Variants in MACROD2 observed in about 807,000 individuals in gnomAD.
MACROD2 encodes the protein ADP-ribose glycohydrolase MACROD2.
A neutral mutation model predicts 70.4 loss-of-function variants in MACROD2; 36 were observed. The ratio of observed to expected loss-of-function variants is 0.51; its 90% confidence interval spans 0.39 to 0.68. The LOEUF is 0.68. Ranked by LOEUF, MACROD2 falls within the 30% of genes least tolerant of loss-of-function variation. MACROD2 has a pLI of 0.00. For synonymous variants in MACROD2, 172 were observed against 178.8 expected (o/e 0.96, Z 0.30); for missense variants, 496 against 538.4 (o/e 0.92, Z 0.78).
At position 14,907,750 on chromosome 20, in the gene MACROD2, G is replaced by A. The variant is rs145344378; in HGVS notation, c.418+222791G>A. 1.0e-3 allele frequency among the ~76,000 whole-genome samples: 158 copies of A among 152,218 alleles called. 2 individuals carry two copies. The highest frequency in any genetic ancestry group is 3.5e-3 in the African/African-American group (144 of 41,524). ...GAGAGAAGAAATGGGAGAATTGGCG[G>A]GGACTAGATGATAAAGGGCTTTTCA... On this transcript the variant is annotated intron_variant, in intron 5 of 17. Coordinates refer to ENST00000684519, the MANE Select transcript of MACROD2 (RefSeq NM_001351661.2).
At chr20:15,773,289 C>T (rs188125456) in intron 8 of MACROD2, among the ~76,000 whole-genome samples, 2 of 151,992 alleles carry the variant, frequency 1.3e-5, no homozygotes, top group African/African-American at 4.8e-5. Context: ...AGTTGTAAAT[C>T]AGGGAGTGCT....
chr20:16,044,789 G>A (rs76478421), intron 17 of MACROD2, 150 bp downstream of exon 17: 98 of 686,812 alleles, frequency 1.4e-4, no homozygotes, highest in African/African-American at 9.4e-4. Context: ...ATAACACAGC[G>A]TAAGGGGAAA....
In MACROD2 at chr20:15,406,666, G is replaced by T. The variant is rs150999902; in HGVS notation, c.541-24739G>T. On this transcript the variant is annotated intron_variant, in intron 6 of 17. Coordinates refer to ENST00000684519, the MANE Select transcript of MACROD2 (RefSeq NM_001351661.2). ...TTTGCACTTATATAAACTTTACTAGGCTGGGCAATTGAACTCCAAAATGAG... is the reference window on the plus strand; with the variant it reads ...TTTGCACTTATATAAACTTTACTAGTCTGGGCAATTGAACTCCAAAATGAG... Among the ~76,000 whole-genome samples the T allele has an allele frequency of 7.2e-3, 1,097 of 152,204 alleles. 11 individuals carry two copies. The highest frequency in any genetic ancestry group is 0.014 in the Middle Eastern group (4 of 294).
chr20:14,200,007 G>A (rs1478249679), intron 3 of MACROD2, among the ~76,000 whole-genome samples: 1 of 152,162 alleles, frequency 6.6e-6, no homozygotes, highest in Non-Finnish European at 1.5e-5. Context: ...GTCATGATTA[G>A]TAAAGTGTTT....
At chr20:15,156,529 C>G (rs1880511232) in intron 5 of MACROD2, among the ~76,000 whole-genome samples, 2 of 152,128 alleles carry the variant, frequency 1.3e-5, no homozygotes, top group African/African-American at 4.8e-5. Context: ...TTAAGACACT[C>G]TCTGATAAAA....
chr20:16,017,072 C>G (rs1321039972), intron 15 of MACROD2, among the ~76,000 whole-genome samples: 1 of 152,198 alleles, frequency 6.6e-6, no homozygotes, highest in Non-Finnish European at 1.5e-5. Flanking sequence ...TGTCTTACCA[C>G]AGCTGGAGCA....
chr20:14,686,639 T>G (rs1372100004), intron 5 of MACROD2, among the ~76,000 whole-genome samples: 1 of 152,188 alleles, frequency 6.6e-6, no homozygotes, highest in Non-Finnish European at 1.5e-5. Context: ...GTTTGTAGCC[T>G]GGGAGCAATA....
At chr20:14,120,213 CAAAA>C in intron 3 of MACROD2, among the ~76,000 whole-genome samples, 1 of 77,064 alleles carries the variant, frequency 1.3e-5, no homozygotes, top group South Asian at 6.3e-4. Flanking sequence ...GACTCCGTCT[CAAAA>C]AAAAAAAAAA....
At chr20:15,392,018 G>C (rs1280340193) in intron 6 of MACROD2, among the ~76,000 whole-genome samples, 1 of 152,072 alleles carries the variant, frequency 6.6e-6, no homozygotes, top group Non-Finnish European at 1.5e-5. Context: ...TTGTTTGTTT[G>C]CTTGTTCATT....
chr20:15,644,107 A>G lies in MACROD2; in HGVS notation c.645+144260A>G, dbSNP rs2049504167. 2.0e-5 allele frequency among the ~76,000 whole-genome samples: 3 copies of G among 152,178 alleles called. No individual in the cohort carries two copies. In the South Asian group the frequency reaches 6.2e-4, roughly 32 times the overall value. On this transcript the variant is annotated intron_variant, in intron 8 of 17. Transcript: ENST00000684519. ...CAGGAATGTGCTTACCCAAAACAAA[A>G]ACAAGATCTTGTTCCTAAGAAGGAA...
intron 5 of MACROD2, among the ~76,000 whole-genome samples, chr20:14,834,445 A>G (rs1418917061): frequency 1.3e-5 from 2 of 152,028 alleles, no homozygotes; most frequent in Non-Finnish European, 2.9e-5. Context: ...ATGATAGTGA[A>G]AGATTGATCC....
intron 2 of MACROD2, among the ~76,000 whole-genome samples, chr20:14,078,404 C>A (rs1403996174): frequency 6.6e-6 from 1 of 151,880 alleles, no homozygotes. Context: ...TAAATGAATT[C>A]TTTTTTTGTT....
intron 3 of MACROD2, among the ~76,000 whole-genome samples, chr20:14,359,469 T>C (rs1404963440): frequency 2.0e-5 from 3 of 152,196 alleles, no homozygotes; most frequent in Non-Finnish European, 4.4e-5. Flanking sequence ...ATACTAGGTA[T>C]ATATCCAAAA....
At chr20:15,048,100 G>GTAAA (rs71335982) in intron 5 of MACROD2, among the ~76,000 whole-genome samples, 7 of 113,758 alleles carry the variant, frequency 6.2e-5, no homozygotes, top group African/African-American at 1.8e-4. Context: ...CCTGTCTCTA[G>GTAAA]TAAATAAATA....
intron 8 of MACROD2, among the ~76,000 whole-genome samples, chr20:15,844,674 T>C (rs765719890): frequency 7.2e-5 from 11 of 152,150 alleles, no homozygotes; most frequent in Non-Finnish European, 1.3e-4. Flanking sequence ...AACAAGACAA[T>C]TTCTGTCGTA....
intron 3 of MACROD2, among the ~76,000 whole-genome samples, chr20:14,227,457 C>G (rs545746637): frequency 1.1e-4 from 16 of 152,086 alleles, no homozygotes; most frequent in Non-Finnish European, 1.8e-4. Flanking sequence ...ACGCACCCAC[C>G]GGGAGGAACG....
intron 5 of MACROD2, among the ~76,000 whole-genome samples, chr20:14,824,229 G>A (rs1673813379): frequency 6.6e-6 from 1 of 152,060 alleles, no homozygotes; most frequent in African/African-American, 2.4e-5. Flanking sequence ...AAAGTTCTCA[G>A]AAAATACTTG....
chr20:15,131,486 G>A (rs1294635590), intron 5 of MACROD2, among the ~76,000 whole-genome samples: 1 of 152,028 alleles, frequency 6.6e-6, no homozygotes, highest in Non-Finnish European at 1.5e-5. Context: ...TAAAACAGGG[G>A]ATTACATGGG....
intron 5 of MACROD2, among the ~76,000 whole-genome samples, chr20:15,227,900 A>C (rs1406599348): frequency 7.0e-6 from 1 of 142,432 alleles, no homozygotes; most frequent in African/African-American, 2.7e-5. Flanking sequence ...ATTTGGGGAA[A>C]TGCTGCTTTA....
Sources: allele counts gnomAD v4.1 joint callset (sites outside exome capture counted in the v4.1 genomes callset), GRCh38; gene constraint gnomAD v4.1.1; transcripts MANE v1.5; gene names NCBI Gene and HGNC (gene_info 2026-07-23, HGNC 2026-07-21).